Variants in SLC1A3 observed in about 807,000 individuals in gnomAD.
The protein encoded by SLC1A3 is excitatory amino acid transporter 1.
A neutral mutation model predicts 48.1 loss-of-function variants in SLC1A3; 21 were observed. The observed-to-expected ratio is 0.44, with a 90% confidence interval of 0.31 to 0.63. The LOEUF is 0.63. Among genes scored for constraint, SLC1A3 ranks in the 20% least tolerant of loss-of-function variants. The probability of loss-of-function intolerance (pLI) is 0.08; values close to 1 mark genes in which losing one functional copy is unlikely to be tolerated. For missense variants in SLC1A3, 546 were observed against 689.0 expected, an observed-to-expected ratio of 0.79 and a Z score of 2.32; for synonymous variants, 239 against 251.4, an observed-to-expected ratio of 0.95 and a Z score of 0.47.
chr5:36,671,365 C>A (rs1044358789), intron 4 of SLC1A3, 132 bp downstream of exon 4: 2 of 717,652 alleles, frequency 2.8e-6, no homozygotes, highest in Non-Finnish European at 2.6e-6. Context: ...GGTCATATAT[C>A]TTTACCTCTT....
chr5:36,659,683 G>A (rs1001288247), intron 3 of SLC1A3, among the ~76,000 whole-genome samples: 15 of 152,132 alleles, frequency 9.9e-5, no homozygotes, highest in Admixed American at 6.5e-4. Flanking sequence ...AAATCACCCC[G>A]CTAGATAATT....
rs13361257 is a variant in SLC1A3, at chr5:36,653,930, G to A, written c.320-17099G>A. 7.5e-3 allele frequency among the ~76,000 whole-genome samples: 1,137 copies of A among 152,272 alleles called. 15 individuals are homozygous for A. The highest frequency in any genetic ancestry group is 0.027 in the African/African-American group (1,105 of 41,534). ...GCGATCTTGGCTCACTGCAACCTTC[G>A]CCTCCTGAGTTCAAGTGATTCTCCT... On this transcript the variant is annotated intron_variant, in intron 3 of 9. Coordinates refer to ENST00000265113, the MANE Select transcript of SLC1A3 (RefSeq NM_004172.5).
rs68027582 is a variant in SLC1A3 at position 36,645,319 on chromosome 5, CTTTTT to C, written c.319+15757_319+15761del. On this transcript the variant is annotated intron_variant, in intron 3 of 9. Coordinates refer to ENST00000265113, the MANE Select transcript of SLC1A3 (RefSeq NM_004172.5). ...ATCTTTGAGGACTGACTTCCGCTGC[CTTTTT>C]TTTTTTTTTTTTTTTTTTTTTTTTG... Among the ~76,000 whole-genome samples the C allele has an allele frequency of 5.5e-4, 46 of 84,300 alleles. 4 individuals are homozygous for C. The highest frequency in any genetic ancestry group is 7.5e-3 in the Middle Eastern group (1 of 134). 55.3% of individuals were successfully genotyped at this position (84,300 alleles called of 152,430 possible). A position where few individuals can be genotyped will look rare whatever the true frequency, so the allele number is the denominator to read the frequency against.
At chr5:36,653,437 T>A (rs1022021991) in intron 3 of SLC1A3, among the ~76,000 whole-genome samples, 14 of 152,222 alleles carry the variant, frequency 9.2e-5, no homozygotes, top group African/African-American at 3.4e-4. Flanking sequence ...ATTTATTGGT[T>A]CTGACAACAC....
At chr5:36,659,630 C>T (rs1741426253) in intron 3 of SLC1A3, among the ~76,000 whole-genome samples, 1 of 152,162 alleles carries the variant, frequency 6.6e-6, no homozygotes, top group Admixed American at 6.5e-5. Context: ...CATTTCCTTC[C>T]AGTTCGTACC....
intron 3 of SLC1A3, among the ~76,000 whole-genome samples, chr5:36,657,626 A>C (rs1741333573): frequency 1.3e-5 from 2 of 152,252 alleles, no homozygotes; most frequent in Non-Finnish European, 1.5e-5. Context: ...GCCTGTGATC[A>C]TGATTCATAA....
chr5:36,605,039 A>G (rs1286818659), upstream of SLC1A3, among the ~76,000 whole-genome samples: 2 of 152,214 alleles, frequency 1.3e-5, no homozygotes, highest in African/African-American at 2.4e-5. Context: ...GCACCAATGT[A>G]AAAACTAGTA....
rs555568810 is a variant in SLC1A3, at chr5:36,614,545, A to G, written c.181+5941A>G. Among the ~76,000 whole-genome samples, 3 of 152,324 alleles carry G rather than the reference A, an allele frequency of 2.0e-5. 1 individual carries two copies. In the South Asian group the frequency reaches 6.2e-4, roughly 32 times the overall value. ...TCTGGCCTCCTGAGCAGAACCAGAAAGTAATCCCCAGGCAGCCGTTATCAC... is the reference window on the plus strand; with the variant it reads ...TCTGGCCTCCTGAGCAGAACCAGAAGGTAATCCCCAGGCAGCCGTTATCAC... On this transcript the variant is annotated intron_variant, in intron 2 of 9. Coordinates refer to ENST00000265113, the MANE Select transcript of SLC1A3 (RefSeq NM_004172.5).
intron 1 of SLC1A3, among the ~76,000 whole-genome samples, chr5:36,607,626 C>T (rs1351011455): frequency 6.6e-6 from 1 of 152,160 alleles, no homozygotes; most frequent in Non-Finnish European, 1.5e-5. Flanking sequence ...CATACTTCTA[C>T]TTGTGATAAA....
At chr5:36,646,204 TG>T (rs1740833738) in intron 3 of SLC1A3, among the ~76,000 whole-genome samples, 1 of 152,216 alleles carries the variant, frequency 6.6e-6, no homozygotes, top group Non-Finnish European at 1.5e-5. Context: ...CTGGTGCAAC[TG>T]CCAAAGACAG....
Position 36,686,247 on chromosome 5 carries a change from T to C in SLC1A3, c.1607T>C (p.Ile536Thr). The change falls in exon 10 of 10, where the codon ATC becomes ACC. Residue 536 changes from isoleucine to threonine, a missense_variant. Ile to Thr is a moderately conservative substitution (Grantham distance 89, BLOSUM62 -1). Coordinates refer to ENST00000265113, the MANE Select transcript of SLC1A3 (RefSeq NM_004172.5). Reference sequence around the variant, plus strand: ...CAGGACAATGAAACTGAGAAACCCATCGACAGTGAAACCAAGATGTAGACT... The same window carrying C: ...CAGGACAATGAAACTGAGAAACCCACCGACAGTGAAACCAAGATGTAGACT... ...IAQDNETEKPIDSETKM is the reference protein window; with the variant it reads ...IAQDNETEKPTDSETKM 6.2e-7 allele frequency: 1 copy of C among 1,613,822 alleles called. No individual in the cohort carries two copies. The highest frequency in any genetic ancestry group is 8.5e-7 in the Non-Finnish European group (1 of 1,179,670).
rs944912600 is a variant in SLC1A3, at chr5:36,671,080, T to C, written c.371T>C (p.Val124Ala). ...TCAGGGAAGATGGGAATGCGAGCTG[T>C]AGTCTATTATATGACTACCACCATC... is the stretch of plus-strand genomic sequence containing the variant. The part of the protein sequence containing the change: ...KASGKMGMRA[V>A]VYYMTTTIIA... Residue 124 changes from valine to alanine, a missense_variant, in exon 4 of 10, where the codon GTA becomes GCA. Coordinates refer to ENST00000265113, the MANE Select transcript of SLC1A3 (RefSeq NM_004172.5). 1.2e-6 allele frequency: 2 copies of C among 1,613,930 alleles called. No individual in the cohort carries two copies. Among genetic ancestry groups the C allele is most frequent in the Non-Finnish European group, 1.7e-6 (2 of 1,179,890 alleles).
chr5:36,617,445 T>G (rs1272085148), intron 2 of SLC1A3, among the ~76,000 whole-genome samples: 1 of 150,032 alleles, frequency 6.7e-6, no homozygotes, highest in African/African-American at 2.4e-5. Context: ...TTTGGCCTAT[T>G]TTATTTTACT....
intron 3 of SLC1A3, among the ~76,000 whole-genome samples, chr5:36,634,707 A>G (rs547294930): frequency 6.6e-6 from 1 of 152,272 alleles, no homozygotes; most frequent in East Asian, 1.9e-4. Flanking sequence ...TCTCCTCTCC[A>G]TGTGACAAGC....
chr5:36,679,678 G>T lies in SLC1A3; in HGVS notation c.912G>T (p.Met304Ile). Residue 304 changes from methionine to isoleucine, a missense_variant, in exon 7 of 10, where the codon ATG becomes ATT. Around this residue, in one of 3 missense-constraint regions of SLC1A3, gnomAD observed 348 missense variants for 392.0 expected, o/e 0.89. Transcript: ENST00000265113. ...TGATTGCTGGGAAGATTGTGGAGAT[G>T]GAAGACATGGGTGTGATTGGGGGGC... Reference protein sequence around the residue: ...LFLIAGKIVEMEDMGVIGGQL... With the variant: ...LFLIAGKIVEIEDMGVIGGQL... 6.2e-7 allele frequency: 1 copy of T among 1,614,160 alleles called. No homozygotes were observed. The highest frequency in any genetic ancestry group is 8.5e-7 in the Non-Finnish European group (1 of 1,180,024).
upstream of SLC1A3, among the ~76,000 whole-genome samples, chr5:36,602,499 C>T (rs1016435259): frequency 4.6e-5 from 7 of 152,324 alleles, no homozygotes; most frequent in African/African-American, 1.4e-4. Context: ...CTTGGTTCTA[C>T]AAAGTCTTGA....
intron 2 of SLC1A3, among the ~76,000 whole-genome samples, chr5:36,622,847 A>C (rs1460220334): frequency 2.4e-5 from 2 of 82,842 alleles, no homozygotes; most frequent in Non-Finnish European, 5.3e-5. Context: ...CCGTCACTAA[A>C]AAAAAATACA....
At chr5:36,657,830 A>G (rs1265090318) in intron 3 of SLC1A3, among the ~76,000 whole-genome samples, 4 of 152,252 alleles carry the variant, frequency 2.6e-5, no homozygotes, top group African/African-American at 9.6e-5. Context: ...CTAAAAAAGA[A>G]TGAATGTAGC....
chr5:36,607,975 T>C (rs889400276), intron 1 of SLC1A3, among the ~76,000 whole-genome samples: 2 of 152,160 alleles, frequency 1.3e-5, no homozygotes, highest in African/African-American at 4.8e-5. Flanking sequence ...TCAGTTCAAT[T>C]GGACATTTAC....
Sources: gnomAD v4.1 joint callset for allele counts (sites outside exome capture counted in the v4.1 genomes callset) on GRCh38, gnomAD v4.1.1 for gene constraint, gnomAD v4.1.1 regional missense constraint, MANE v1.5 for transcripts, NCBI Gene and HGNC (gene_info 2026-07-23, HGNC 2026-07-21) for gene names.